Variants in TBL1X observed in about 807,000 individuals in gnomAD.
TBL1X encodes transducin beta like 1 X-linked, also known as F-box-like/WD repeat-containing protein TBL1X.
In TBL1X, 10 loss-of-function variants were observed where a neutral mutation model predicts 50.7. That is an observed-to-expected ratio of 0.20 (90% confidence interval 0.12 to 0.33). The LOEUF (loss-of-function observed/expected upper bound fraction) is 0.33, where lower values mean the gene tolerates loss of function less well. Ranked by LOEUF, TBL1X falls within the 10% of genes least tolerant of loss-of-function variation. The pLI, the probability that TBL1X is intolerant of heterozygous loss-of-function variation, is 1.00. For missense variants in TBL1X, 340 were observed against 504.4 expected (o/e 0.67, Z 3.12); for synonymous variants, 190 against 214.7 (o/e 0.88, Z 1.01).
At chrX:9,484,388 A>C (rs1343354518) in intron 1 of TBL1X, among the ~76,000 whole-genome samples, 1 of 111,250 alleles carries the variant, frequency 9.0e-6, no homozygotes, top group Non-Finnish European at 1.9e-5. Flanking sequence ...TCACTCTCCA[A>C]AGTTTACTTG....
intron 2 of TBL1X, among the ~76,000 whole-genome samples, chrX:9,601,816 A>G (rs2082558236): frequency 8.9e-6 from 1 of 111,995 alleles, no homozygotes; most frequent in African/African-American, 3.3e-5. Flanking sequence ...TTTGGGAGGC[A>G]AATCACTTTG....
intron 1 of TBL1X, among the ~76,000 whole-genome samples, chrX:9,479,488 C>CT (rs1253714528): frequency 8.9e-6 from 1 of 112,417 alleles, no homozygotes; most frequent in East Asian, 2.8e-4. Context: ...AAAATAAGCA[C>CT]TTAAACATTG....
At chrX:9,487,020 C>T (rs2081917066) in intron 1 of TBL1X, among the ~76,000 whole-genome samples, 1 of 112,031 alleles carries the variant, frequency 8.9e-6, no homozygotes, top group Non-Finnish European at 1.9e-5. Flanking sequence ...AGTCGTGGAA[C>T]AGATTCCTGG....
intron 2 of TBL1X, among the ~76,000 whole-genome samples, chrX:9,594,703 C>T (rs2082518997): frequency 8.9e-6 from 1 of 112,096 alleles, no homozygotes; most frequent in African/African-American, 3.2e-5. Context: ...AGAAAAAATT[C>T]TGGAGCCAGA....
intron 2 of TBL1X, among the ~76,000 whole-genome samples, chrX:9,591,868 G>A (rs1380326938): frequency 1.8e-5 from 2 of 112,270 alleles, no homozygotes; most frequent in Non-Finnish European, 3.8e-5. Context: ...AGGTACCCAG[G>A]GGGGCAGGGG....
At chrX:9,616,495 A>G (rs187303165) in intron 2 of TBL1X, among the ~76,000 whole-genome samples, 21 of 111,908 alleles carry the variant, frequency 1.9e-4, no homozygotes, top group African/African-American at 6.8e-4. Context: ...AAATTAGAAA[A>G]CATAATGCTT....
chrX:9,580,235 G>A lies in TBL1X; in HGVS notation c.-130-60038G>A, dbSNP rs756304334. ...TTTATTTTGCCAAAGTTAAGGATGC[G>A]CACCCATGACACAACCTCAGGAGGT... is the stretch of plus-strand genomic sequence containing the variant. On this transcript the variant is annotated intron_variant, in intron 2 of 17. Transcript: ENST00000645353. Among the ~76,000 whole-genome samples the A allele has an allele frequency of 5.0e-4, 56 of 112,085 alleles. 1 individual carries two copies. Among genetic ancestry groups the A allele is most frequent in the African/African-American group, 1.8e-3 (54 of 30,822 alleles).
intron 2 of TBL1X, among the ~76,000 whole-genome samples, chrX:9,559,292 G>A (rs2082314342): frequency 1.8e-5 from 2 of 111,426 alleles, no homozygotes; most frequent in South Asian, 3.8e-4. Context: ...TTGCTATTTT[G>A]TATGTGTTTT....
At chrX:9,561,081 T>A (rs969999071) in intron 2 of TBL1X, among the ~76,000 whole-genome samples, 1 of 111,610 alleles carries the variant, frequency 9.0e-6, no homozygotes, top group African/African-American at 3.3e-5. Flanking sequence ...GGGCTGACTG[T>A]CTGTGTAGGC....
intron 1 of TBL1X, among the ~76,000 whole-genome samples, chrX:9,491,922 C>T (rs752277037): frequency 1.3e-4 from 14 of 111,737 alleles, no homozygotes; most frequent in Admixed American, 4.8e-4. Context: ...CTCCATTCCC[C>T]ACCTCAATTG....
intron 2 of TBL1X, among the ~76,000 whole-genome samples, chrX:9,563,404 C>T (rs772650672): frequency 2.7e-5 from 3 of 112,438 alleles, no homozygotes; most frequent in Non-Finnish European, 3.8e-5. Context: ...GAAGGAAGGA[C>T]GCCATAAGGA....
intron 5 of TBL1X, among the ~76,000 whole-genome samples, chrX:9,681,788 G>A (rs2083027246): frequency 1.8e-5 from 2 of 112,839 alleles, no homozygotes; most frequent in African/African-American, 6.4e-5. Flanking sequence ...CTGGCACCCA[G>A]GCTTAGATCT....
intron 16 of TBL1X, among the ~76,000 whole-genome samples, chrX:9,714,117 T>C (rs772368722): frequency 2.7e-5 from 3 of 112,038 alleles, no homozygotes; most frequent in Non-Finnish European, 3.8e-5. Flanking sequence ...CCTGGCCTTA[T>C]TCAACTCTTT....
At chrX:9,710,230 A>C (rs1210863777) in intron 15 of TBL1X, among the ~76,000 whole-genome samples, 5 of 90,113 alleles carry the variant, frequency 5.5e-5, no homozygotes, top group Non-Finnish European at 1.1e-4. Context: ...AAAAAAAAAA[A>C]AAAAAACAGA....
chrX:9,688,418 G>A (rs1192184254), intron 7 of TBL1X, 143 bp downstream of exon 7: 7 of 542,203 alleles, frequency 1.3e-5, no homozygotes, highest in East Asian at 4.2e-5. Context: ...CGATCTGGCC[G>A]GAAGAACTTC....
chrX:9,477,273 C>T (rs1416593352), intron 1 of TBL1X, among the ~76,000 whole-genome samples: 6 of 112,109 alleles, frequency 5.4e-5, no homozygotes, highest in African/African-American at 1.9e-4. Flanking sequence ...GGGCTGGATT[C>T]GTAGTTTGCT....
rs943385171 is a variant in TBL1X at position 9,498,042 on chromosome X, C to T, written c.-200-3738C>T. The stretch of plus-strand genomic sequence containing the variant: ...TGAGCCACTATGCCAGGCCTATTTT[C>T]CCTTTCCTGCTATTTCCTCCCAGCT... On this transcript the variant is annotated intron_variant, in intron 1 of 17. Coordinates refer to ENST00000645353, the MANE Select transcript of TBL1X (RefSeq NM_005647.4). Among the ~76,000 whole-genome samples, 8 of 109,700 alleles carry T rather than the reference C, an allele frequency of 7.3e-5. No individual in the cohort carries two copies. In the South Asian group the frequency reaches 3.1e-3, roughly 43 times the overall value.
intron 5 of TBL1X, among the ~76,000 whole-genome samples, chrX:9,673,792 G>A (rs913169451): frequency 1.8e-5 from 2 of 112,151 alleles, no homozygotes; most frequent in African/African-American, 6.5e-5. Context: ...GGCTAGGTGC[G>A]GTGGCTCACG....
At chrX:9,469,025 G>T (rs1321970228) in intron 1 of TBL1X, among the ~76,000 whole-genome samples, 1 of 109,772 alleles carries the variant, frequency 9.1e-6, no homozygotes, top group Non-Finnish European at 1.9e-5. Flanking sequence ...TCACTGTGTT[G>T]CCCAGGCTGC....
Sources: allele counts gnomAD v4.1 joint callset (sites outside exome capture counted in the v4.1 genomes callset), GRCh38; gene constraint gnomAD v4.1.1; transcripts MANE v1.5; gene names NCBI Gene and HGNC (gene_info 2026-07-23, HGNC 2026-07-21).